The following ARHGAP24 variants were observed in gnomAD, a reference collection of about 807,000 sequenced individuals.
The protein encoded by ARHGAP24 is rho GTPase-activating protein 24.
In ARHGAP24, 50 loss-of-function variants were observed where a neutral mutation model predicts 76.4. That is an observed-to-expected ratio of 0.65 (90% CI 0.52 to 0.83). The LOEUF is 0.83. ARHGAP24 is among the 40% of genes least tolerant of loss of function. The probability of loss-of-function intolerance (pLI) is 0.00; values close to 1 mark genes in which losing one functional copy is unlikely to be tolerated. For missense variants in ARHGAP24, 930 were observed against 914.2 expected, an observed-to-expected ratio of 1.02 and a Z score of -0.22; for synonymous variants, 345 against 323.3, an observed-to-expected ratio of 1.07 and a Z score of -0.72.
At chr4:85,475,717 AGGGGGCTGCGGGGGG>A (rs1722564781) in intron 1 of ARHGAP24, among the ~76,000 whole-genome samples, 158 bp downstream of exon 1, 1 of 770 alleles carries the variant, frequency 1.3e-3, no homozygotes, top group Non-Finnish European at 2.5e-3. Flanking sequence ...GGGGGCGGGG[AGGGGGCTGCGGGGGG>A]CGGGGAGGGA....
intron 2 of ARHGAP24, among the ~76,000 whole-genome samples, chr4:85,661,594 G>T (rs1352949097): frequency 2.6e-5 from 4 of 151,872 alleles, no homozygotes; most frequent in Non-Finnish European, 5.9e-5. Flanking sequence ...GTATACATGT[G>T]CCATGCTGGT....
At chr4:85,657,108 A>T (rs534037570) in intron 2 of ARHGAP24, among the ~76,000 whole-genome samples, 2 of 152,154 alleles carry the variant, frequency 1.3e-5, no homozygotes, top group Non-Finnish European at 2.9e-5. Context: ...TTTTTATTTT[A>T]TTCTCATTGT....
At chr4:85,598,701 G>A (rs1719924980) in intron 2 of ARHGAP24, among the ~76,000 whole-genome samples, 1 of 150,170 alleles carries the variant, frequency 6.7e-6, no homozygotes, top group Non-Finnish European at 1.5e-5. Flanking sequence ...TTAGGAACTT[G>A]GATATTAATA....
At position 85,972,123 on chromosome 4, in the gene ARHGAP24, A is replaced by G; in HGVS notation, c.687A>G (p.Glu229=). The G allele has an allele frequency of 6.2e-7, 1 of 1,613,892 alleles. No homozygotes were observed. Among genetic ancestry groups the G allele is most frequent in the Non-Finnish European group, 8.5e-7 (1 of 1,179,960 alleles). The change falls in exon 6 of 10, where the codon GAA becomes GAG. Residue 229 remains glutamate (E), a synonymous_variant. Transcript: ENST00000395184. ...CAGTTATTCCTTATGCGAAGTATGA[A>G]GATTTTTTGTCATGTGCCAAACTGC... ...PEPVIPYAKY[E]DFLSCAKLLS...
chr4:85,688,171 G>T (rs1723500554), intron 2 of ARHGAP24, among the ~76,000 whole-genome samples: 1 of 152,136 alleles, frequency 6.6e-6, no homozygotes, highest in Non-Finnish European at 1.5e-5. Flanking sequence ...AGTAGTTGAA[G>T]TAATTTACAT....
At chr4:85,981,620 A>G (rs1316426234) in intron 8 of ARHGAP24, among the ~76,000 whole-genome samples, 1 of 152,012 alleles carries the variant, frequency 6.6e-6, no homozygotes, top group Admixed American at 6.6e-5. Context: ...GCTTCCTGAG[A>G]TGTCCTGGCT....
intron 3 of ARHGAP24, among the ~76,000 whole-genome samples, chr4:85,913,892 C>T (rs1735221383): frequency 6.6e-6 from 1 of 152,060 alleles, no homozygotes; most frequent in African/African-American, 2.4e-5. Context: ...ACATTTTAAT[C>T]CAGATTTCAA....
chr4:85,568,748 G>A (rs771245407), intron 1 of ARHGAP24, among the ~76,000 whole-genome samples: 22 of 152,200 alleles, frequency 1.4e-4, no homozygotes, highest in Non-Finnish European at 2.6e-4. Context: ...ACGTATTGTA[G>A]AGACAGGGGC....
At chr4:85,593,522 T>A (rs1372700506) in intron 2 of ARHGAP24, among the ~76,000 whole-genome samples, 1 of 152,134 alleles carries the variant, frequency 6.6e-6, no homozygotes, top group Admixed American at 6.6e-5. Context: ...TACTCAAGAA[T>A]TATTTGCCCA....
At chr4:85,755,172 G>A (rs191597979) in intron 3 of ARHGAP24, among the ~76,000 whole-genome samples, 3 of 152,246 alleles carry the variant, frequency 2.0e-5, no homozygotes, top group Admixed American at 2.0e-4. Context: ...TTTTCTGTGA[G>A]GTTAGTTGAC....
At chr4:85,711,394 T>C (rs907678874) in intron 2 of ARHGAP24, among the ~76,000 whole-genome samples, 1 of 152,172 alleles carries the variant, frequency 6.6e-6, no homozygotes, top group Non-Finnish European at 1.5e-5. Context: ...ATCAACCTTA[T>C]AGCGAAAGTA....
intron 1 of ARHGAP24, among the ~76,000 whole-genome samples, chr4:85,488,061 C>A (rs1723206367): frequency 6.6e-6 from 1 of 150,608 alleles, no homozygotes; most frequent in Non-Finnish European, 1.5e-5. Context: ...CGCCGGCCAC[C>A]ACGCCCGGCT....
At chr4:85,760,567 A>T (rs1372276276) in intron 3 of ARHGAP24, among the ~76,000 whole-genome samples, 1 of 152,198 alleles carries the variant, frequency 6.6e-6, no homozygotes, top group Non-Finnish European at 1.5e-5. Flanking sequence ...TCTGCTTCCA[A>T]ACAGGAAAAG....
chr4:85,828,108 C>T (rs1729809115), intron 3 of ARHGAP24: 1 of 629,404 alleles, frequency 1.6e-6, no homozygotes, highest in African/African-American at 1.9e-5. Context: ...TTATTTATAC[C>T]CTTGTTTTCT....
At chr4:85,774,432 C>T (rs1000067075) in intron 3 of ARHGAP24, among the ~76,000 whole-genome samples, 10 of 152,140 alleles carry the variant, frequency 6.6e-5, no homozygotes, top group African/African-American at 2.2e-4. Context: ...AGCCTTTGCT[C>T]GCAAGAGTTG....
At chr4:85,883,720 G>A (rs1428440261) in intron 3 of ARHGAP24, among the ~76,000 whole-genome samples, 1 of 152,146 alleles carries the variant, frequency 6.6e-6, no homozygotes, top group Non-Finnish European at 1.5e-5. Flanking sequence ...GAAATGATAT[G>A]GTTACATAGT....
chr4:85,693,678 C>A (rs773313126), intron 2 of ARHGAP24, among the ~76,000 whole-genome samples: 2 of 152,204 alleles, frequency 1.3e-5, no homozygotes, highest in Non-Finnish European at 2.9e-5. Context: ...GCACACACTC[C>A]TGTTGGGTAG....
chr4:85,802,345 T>C (rs1368253101), intron 3 of ARHGAP24, among the ~76,000 whole-genome samples: 4 of 152,244 alleles, frequency 2.6e-5, no homozygotes, highest in Non-Finnish European at 1.5e-5. Flanking sequence ...TCTGTTTTAA[T>C]GCCAGAAAGA....
intron 3 of ARHGAP24, among the ~76,000 whole-genome samples, chr4:85,787,255 T>G (rs1727886751): frequency 6.6e-6 from 1 of 152,216 alleles, no homozygotes; most frequent in Non-Finnish European, 1.5e-5. Context: ...AGGCCTTTGC[T>G]CTCCATATAT....
Sources: gnomAD v4.1 joint callset for allele counts (sites outside exome capture counted in the v4.1 genomes callset) on GRCh38, gnomAD v4.1.1 for gene constraint, MANE v1.5 for transcripts, NCBI Gene and HGNC (gene_info 2026-07-23, HGNC 2026-07-21) for gene names.